Variants in TNRC6A observed in about 807,000 individuals in gnomAD.
TNRC6A encodes trinucleotide repeat containing adaptor 6A.
In TNRC6A, 44 loss-of-function variants were observed where a neutral mutation model predicts 221.2. The observed-to-expected ratio is 0.20, with a 90% CI of 0.16 to 0.26. The LOEUF (loss-of-function observed/expected upper bound fraction) is 0.26, where lower values mean the gene tolerates loss of function less well. Ranked by LOEUF, TNRC6A falls within the 10% of genes least tolerant of loss-of-function variation. The probability of loss-of-function intolerance (pLI) is 1.00; values close to 1 mark genes in which losing one functional copy is unlikely to be tolerated. For missense variants in TNRC6A, 2,199 were observed against 2,404.4 expected (o/e 0.91, Z 1.79); for synonymous variants, 847 against 838.5 (o/e 1.01, Z -0.18).
chr16:24,695,095 A>G (rs149486948), intron 2 of TNRC6A, among the ~76,000 whole-genome samples: 7 of 152,238 alleles, frequency 4.6e-5, no homozygotes, highest in African/African-American at 1.7e-4. Context: ...ACGGGAGTGT[A>G]CTGGGCCCTG....
chr16:24,670,229 C>T (rs780206982), intron 2 of TNRC6A, among the ~76,000 whole-genome samples: 2 of 151,958 alleles, frequency 1.3e-5, no homozygotes, highest in Admixed American at 6.6e-5. Flanking sequence ...GGATTACAGG[C>T]GTGAGCCACC....
chr16:24,794,016 C>G (rs2058167219), intron 7 of TNRC6A, among the ~76,000 whole-genome samples: 1 of 152,080 alleles, frequency 6.6e-6, no homozygotes, highest in Non-Finnish European at 1.5e-5. Flanking sequence ...AGATGATTCC[C>G]TGAAAGTTAC....
chr16:24,758,192 TTTCCTGTGCAG>T (rs2057291281), intron 3 of TNRC6A, 136 bp from the exon 4 acceptor site: 3 of 733,310 alleles, frequency 4.1e-6, no homozygotes, highest in Non-Finnish European at 6.6e-6. Flanking sequence ...TTGCATATCT[TTTCCTGTGCAG>T]TTCATCTATT....
At chr16:24,752,296 GGAGT>G (rs2057154768) in intron 3 of TNRC6A, among the ~76,000 whole-genome samples, 1 of 151,896 alleles carries the variant, frequency 6.6e-6, no homozygotes, top group Non-Finnish European at 1.5e-5. Flanking sequence ...ACATTTGAGA[GGAGT>G]TAATCAGGCT....
At chr16:24,687,567 T>C (rs1294211272) in intron 2 of TNRC6A, among the ~76,000 whole-genome samples, 3 of 152,160 alleles carry the variant, frequency 2.0e-5, no homozygotes, top group African/African-American at 7.2e-5. Flanking sequence ...AGCAGGAGGA[T>C]GTCTTGAGTC....
chr16:24,626,436 A>G (rs1900995013), intron 1 of TNRC6A, among the ~76,000 whole-genome samples: 1 of 152,106 alleles, frequency 6.6e-6, no homozygotes, highest in Admixed American at 6.6e-5. Context: ...GAAATTTCAT[A>G]ACAGATATCT....
intron 2 of TNRC6A, among the ~76,000 whole-genome samples, chr16:24,681,047 A>G (rs2055524027): frequency 6.6e-6 from 1 of 151,544 alleles, no homozygotes. Context: ...TAGACAGTAA[A>G]GCTTTTTATA....
intron 4 of TNRC6A, among the ~76,000 whole-genome samples, chr16:24,767,067 C>T (rs2057489970): frequency 6.6e-6 from 1 of 152,144 alleles, no homozygotes; most frequent in Non-Finnish European, 1.5e-5. Flanking sequence ...TACTTGAGCT[C>T]TTTGTATAAT....
At chr16:24,705,595 G>C (rs923528224) in intron 2 of TNRC6A, among the ~76,000 whole-genome samples, 2 of 152,184 alleles carry the variant, frequency 1.3e-5, no homozygotes, top group African/African-American at 4.8e-5. Context: ...GCCTCCTAAA[G>C]TGCTGGGATT....
At position 24,787,144 on chromosome 16, in the gene TNRC6A, C is replaced by T. The variant is rs148604956; in HGVS notation, c.590-2088C>T. 2.8e-3 allele frequency among the ~76,000 whole-genome samples: 427 copies of T among 152,272 alleles called. 1 individual carries two copies. The highest frequency in any genetic ancestry group is 9.9e-3 in the African/African-American group (411 of 41,562). On this transcript the variant is annotated intron_variant, in intron 5 of 24. Transcript: ENST00000395799. ...CTACATCAAATTGACCCTAACGAGGCACTTATTTGCAGCCAGCACTGAGCT... is the reference window on the plus strand; with the variant it reads ...CTACATCAAATTGACCCTAACGAGGTACTTATTTGCAGCCAGCACTGAGCT...
intron 2 of TNRC6A, among the ~76,000 whole-genome samples, chr16:24,740,052 T>G (rs967356545): frequency 9.2e-5 from 14 of 152,226 alleles, no homozygotes; most frequent in Non-Finnish European, 2.1e-4. Flanking sequence ...GAAAAGACTT[T>G]CATCTTGGCA....
intron 1 of TNRC6A, among the ~76,000 whole-genome samples, chr16:24,624,298 G>A (rs1900844883): frequency 6.6e-6 from 1 of 152,148 alleles, no homozygotes; most frequent in East Asian, 1.9e-4. Flanking sequence ...AGCAGGACAC[G>A]TGGCCATCTC....
At chr16:24,820,402 T>G (rs1455389389) in intron 22 of TNRC6A, 42 bp downstream of exon 22, 1 of 1,577,898 alleles carries the variant, frequency 6.3e-7, no homozygotes, top group Non-Finnish European at 8.7e-7. Context: ...GTTTATTTGC[T>G]AAACGCTAAC....
intron 18 of TNRC6A, among the ~76,000 whole-genome samples, chr16:24,813,102 C>G (rs2058582580): frequency 6.6e-6 from 1 of 151,926 alleles, no homozygotes; most frequent in Admixed American, 6.6e-5. Context: ...GTCTCAAATT[C>G]CTGAGCTCAA....
chr16:24,633,689 G>A (rs1279800603), intron 1 of TNRC6A, among the ~76,000 whole-genome samples: 3 of 152,118 alleles, frequency 2.0e-5, no homozygotes, highest in Non-Finnish European at 4.4e-5. Flanking sequence ...CACTGTGCCC[G>A]GCTTTTATTT....
intron 2 of TNRC6A, among the ~76,000 whole-genome samples, chr16:24,671,646 G>A (rs1030914069): frequency 6.6e-6 from 1 of 152,136 alleles, no homozygotes; most frequent in Non-Finnish European, 1.5e-5. Context: ...AAAACACCCC[G>A]AGGAAACAAT....
At chr16:24,676,455 C>T (rs2055422676) in intron 2 of TNRC6A, among the ~76,000 whole-genome samples, 2 of 151,724 alleles carry the variant, frequency 1.3e-5, no homozygotes, top group East Asian at 3.9e-4. Flanking sequence ...CACCGCCATG[C>T]CCAGCTGATT....
At chr16:24,784,185 A>G (rs1011254046) in intron 5 of TNRC6A, among the ~76,000 whole-genome samples, 1 of 152,150 alleles carries the variant, frequency 6.6e-6, no homozygotes, top group African/African-American at 2.4e-5. Flanking sequence ...TATTTTTAGT[A>G]GAGATGGTGT....
At chr16:24,625,295 A>C (rs1900900205) in intron 1 of TNRC6A, among the ~76,000 whole-genome samples, 1 of 152,232 alleles carries the variant, frequency 6.6e-6, no homozygotes, top group African/African-American at 2.4e-5. Context: ...ATGGAGAAAG[A>C]AATCAATTAT....
Sources: gnomAD v4.1 joint callset for allele counts (sites outside exome capture counted in the v4.1 genomes callset) on GRCh38, gnomAD v4.1.1 for gene constraint, MANE v1.5 for transcripts, NCBI Gene and HGNC (gene_info 2026-07-23, HGNC 2026-07-21) for gene names.